CSMD2: variants seen among roughly 807,000 people sequenced by gnomAD.
CSMD2 encodes CUB and Sushi multiple domains 2.
A neutral mutation model predicts 398.5 loss-of-function variants in CSMD2; 130 were observed. The observed-to-expected ratio is 0.33, with a 90% CI of 0.28 to 0.38. The LOEUF is 0.38. Among genes scored for constraint, CSMD2 ranks in the 10% least tolerant of loss-of-function variants. The pLI, the probability that CSMD2 is intolerant of heterozygous loss-of-function variation, is 1.00. For missense variants in CSMD2, 3,829 were observed against 4,764.9 expected (o/e 0.80, Z 5.78); for synonymous variants, 1,828 against 1,908.5 (o/e 0.96, Z 1.10).
intron 44 of CSMD2, chr1:33,600,459 C>T (rs2148802370): frequency 1.9e-6 from 1 of 536,156 alleles, no homozygotes; most frequent in Middle Eastern, 4.9e-4. Flanking sequence ...TTCATTTGTG[C>T]ACAAAAACAC....
At chr1:34,085,825 A>G (rs1657813898) in intron 2 of CSMD2, among the ~76,000 whole-genome samples, 1 of 152,164 alleles carries the variant, frequency 6.6e-6, no homozygotes, top group South Asian at 2.1e-4. Context: ...TCTGAGGTGA[A>G]CAAAGACTCT....
At chr1:33,802,839 A>G (rs1230604661) in intron 10 of CSMD2, among the ~76,000 whole-genome samples, 1 of 151,988 alleles carries the variant, frequency 6.6e-6, no homozygotes, top group South Asian at 2.1e-4. Flanking sequence ...CCCTCTGTGC[A>G]TATTTTTTCC....
intron 57 of CSMD2, among the ~76,000 whole-genome samples, 167 bp downstream of exon 57, chr1:33,545,870 A>G (rs1283856182): frequency 6.6e-6 from 1 of 152,180 alleles, no homozygotes; most frequent in Non-Finnish European, 1.5e-5. Context: ...TTGATTACTA[A>G]TGAAAATGCA....
chr1:34,150,079 C>T (rs4653397), intron 1 of CSMD2, among the ~76,000 whole-genome samples: 92,382 of 137,464 alleles, frequency 0.67, 33,085 homozygotes, highest in Non-Finnish European at 0.79. Context: ...TTTCTTCTTT[C>T]TTTTTTTTTT....
intron 9 of CSMD2, among the ~76,000 whole-genome samples, chr1:33,815,025 C>T (rs1043418074): frequency 6.6e-5 from 10 of 152,054 alleles, no homozygotes; most frequent in African/African-American, 2.2e-4. Flanking sequence ...AATTCTACCA[C>T]TCACCTTTTC....
At chr1:33,807,887 A>G (rs1246769426) in intron 10 of CSMD2, among the ~76,000 whole-genome samples, 1 of 152,162 alleles carries the variant, frequency 6.6e-6, no homozygotes, top group East Asian at 1.9e-4. Flanking sequence ...CACAAAACAC[A>G]TATAAAGCAC....
chr1:33,550,268 G>A lies in CSMD2; in HGVS notation c.8826C>T (p.Tyr2942=), dbSNP rs748116677. The change falls in exon 56 of 71, where the codon TAC becomes TAT. Residue 2942 remains tyrosine (Y), a synonymous_variant. Coordinates refer to ENST00000373381, the MANE Select transcript of CSMD2 (RefSeq NM_001281956.2). ...DSYTVGAVVR[Y]SCIGKRTLVG... is the part of the protein sequence containing the mutation. Reference sequence around the variant, plus strand: ...CCAGAGTACGCTTGCCGATGCAGCTGTACCGCACCACTGCTCCCACAGTAT... The same window carrying A: ...CCAGAGTACGCTTGCCGATGCAGCTATACCGCACCACTGCTCCCACAGTAT... The A allele has an allele frequency of 1.9e-6, 3 of 1,614,222 alleles. No individual in the cohort carries two copies. Among genetic ancestry groups the A allele is most frequent in the Admixed American group, 3.3e-5 (2 of 60,032 alleles).
At chr1:33,883,255 G>A (rs553334910) in intron 5 of CSMD2, among the ~76,000 whole-genome samples, 5 of 152,124 alleles carry the variant, frequency 3.3e-5, no homozygotes, top group Non-Finnish European at 7.3e-5. Flanking sequence ...CTTAGGCTGC[G>A]GAGTAAAAAA....
chr1:33,645,463 A>G (rs1643375408), intron 29 of CSMD2, among the ~76,000 whole-genome samples: 1 of 152,008 alleles, frequency 6.6e-6, no homozygotes, highest in Admixed American at 6.6e-5. Context: ...TACTAGCAAC[A>G]ATTTGTAGAT....
intron 15 of CSMD2, among the ~76,000 whole-genome samples, chr1:33,738,400 A>C (rs1646949560): frequency 6.6e-6 from 1 of 152,226 alleles, no homozygotes; most frequent in Admixed American, 6.5e-5. Flanking sequence ...TGCTTGGTAC[A>C]CAAATTTGCC....
intron 66 of CSMD2, 143 bp downstream of exon 66, chr1:33,524,739 A>G (rs1654617657): frequency 2.7e-6 from 2 of 737,552 alleles, no homozygotes; most frequent in South Asian, 2.1e-5. Context: ...TCATGTAAAG[A>G]TGAATAGACA....
At chr1:33,898,690 A>G (rs1275678855) in intron 5 of CSMD2, among the ~76,000 whole-genome samples, 1 of 152,100 alleles carries the variant, frequency 6.6e-6, no homozygotes, top group Admixed American at 6.5e-5. Context: ...GGAAAGGGTA[A>G]TTACAAAAAG....
intron 15 of CSMD2, among the ~76,000 whole-genome samples, chr1:33,738,010 C>G (rs752627391): frequency 6.6e-6 from 1 of 151,810 alleles, no homozygotes; most frequent in Non-Finnish European, 1.5e-5. Context: ...ACTCAAATGC[C>G]CACCTGGACT....
At chr1:33,749,475 T>C (rs1016684291) in intron 13 of CSMD2, among the ~76,000 whole-genome samples, 2 of 152,072 alleles carry the variant, frequency 1.3e-5, no homozygotes, top group Admixed American at 6.5e-5. Context: ...TTATTCATGA[T>C]TAAACAATAA....
At chr1:34,088,901 C>T (rs1234736569) in intron 2 of CSMD2, 76 bp downstream of exon 2, 17 of 1,241,102 alleles carry the variant, frequency 1.4e-5, no homozygotes, top group South Asian at 6.2e-5. Flanking sequence ...ACTTTTCACT[C>T]GAGAAAGATC....
intron 6 of CSMD2, among the ~76,000 whole-genome samples, chr1:33,837,021 G>C (rs920845403): frequency 2.0e-5 from 3 of 152,142 alleles, no homozygotes; most frequent in African/African-American, 4.8e-5. Context: ...CAGAATATTA[G>C]CATTAAGACA....
At chr1:33,772,824 T>A (rs1651467684) in intron 12 of CSMD2, 73 bp from the exon 13 acceptor site, 3 of 1,283,408 alleles carry the variant, frequency 2.3e-6, no homozygotes, top group African/African-American at 1.5e-5. Flanking sequence ...AAGGTCCACA[T>A]GACAAGCTCT....
At chr1:33,591,155 A>C (rs915062260) in intron 44 of CSMD2, among the ~76,000 whole-genome samples, 1 of 151,560 alleles carries the variant, frequency 6.6e-6, no homozygotes, top group African/African-American at 2.4e-5. Flanking sequence ...CGTCTGGCTA[A>C]TTTTGTATTT....
intron 6 of CSMD2, among the ~76,000 whole-genome samples, chr1:33,830,517 C>T (rs1659412455): frequency 6.6e-6 from 1 of 152,086 alleles, no homozygotes; most frequent in Non-Finnish European, 1.5e-5. Context: ...CTGTACATCA[C>T]CATCATCAAA....
Sources: allele counts gnomAD v4.1 joint callset (sites outside exome capture counted in the v4.1 genomes callset), GRCh38; gene constraint gnomAD v4.1.1; transcripts MANE v1.5; gene names NCBI Gene and HGNC (gene_info 2026-07-23, HGNC 2026-07-21).